GRID2: variants seen among roughly 807,000 people sequenced by gnomAD.
GRID2 encodes glutamate receptor ionotropic, delta-2.
In GRID2, 33 loss-of-function variants were observed where a neutral mutation model predicts 114.8. The ratio of observed to expected loss-of-function variants is 0.29; its 90% CI spans 0.22 to 0.38. GRID2 has a LOEUF of 0.38. GRID2 is among the 10% of genes least tolerant of loss of function. GRID2 has a pLI of 1.00. For synonymous variants in GRID2, 505 were observed against 449.9 expected (o/e 1.12, Z -1.55); for missense variants, 1,184 against 1,257.7 (o/e 0.94, Z 0.89).
chr4:92,703,119 C>A (rs1292601802), intron 2 of GRID2, among the ~76,000 whole-genome samples: 1 of 152,074 alleles, frequency 6.6e-6, no homozygotes, highest in African/African-American at 2.4e-5. Context: ...CCTTGTAGAA[C>A]AATCAAGGTG....
intron 8 of GRID2, among the ~76,000 whole-genome samples, chr4:93,244,936 G>A (rs2149522247): frequency 6.6e-6 from 1 of 151,774 alleles, no homozygotes; most frequent in African/African-American, 2.4e-5. Flanking sequence ...AAACCCAGTT[G>A]TAATTTGAGC....
At chr4:92,794,049 T>C (rs372092464) in intron 2 of GRID2, among the ~76,000 whole-genome samples, 4 of 151,844 alleles carry the variant, frequency 2.6e-5, no homozygotes, top group Non-Finnish European at 1.5e-5. Flanking sequence ...GTTTGGAAAA[T>C]TGGGATTTAG....
At chr4:92,749,015 G>C (rs1389153545) in intron 2 of GRID2, among the ~76,000 whole-genome samples, 2 of 150,060 alleles carry the variant, frequency 1.3e-5, no homozygotes, top group Non-Finnish European at 3.0e-5. Context: ...TATTTTTGGA[G>C]GCGGAGTCTT....
At chr4:93,614,032 C>T (rs1256574296) in intron 13 of GRID2, among the ~76,000 whole-genome samples, 5 of 152,096 alleles carry the variant, frequency 3.3e-5, no homozygotes, top group Middle Eastern at 3.4e-3. Flanking sequence ...TTTTTTAAGC[C>T]GGTCTGAAAA....
intron 8 of GRID2, among the ~76,000 whole-genome samples, chr4:93,286,449 A>G (rs368459399): frequency 5.5e-4 from 83 of 152,272 alleles, no homozygotes; most frequent in African/African-American, 1.7e-3. Context: ...TCTAGTTTTA[A>G]GAACTGCATA....
chr4:93,458,621 T>TA (rs1321533945), intron 11 of GRID2, among the ~76,000 whole-genome samples: 1 of 152,154 alleles, frequency 6.6e-6, no homozygotes, highest in East Asian at 1.9e-4. Flanking sequence ...ACCCACCTCA[T>TA]GGGTTTTTAT....
chr4:92,848,412 T>G (rs1306308528), intron 2 of GRID2, among the ~76,000 whole-genome samples: 1 of 151,948 alleles, frequency 6.6e-6, no homozygotes, highest in African/African-American at 2.4e-5. Context: ...AATTCATTAT[T>G]GTTTCTACTC....
chr4:93,528,270 T>C (rs1282734581), intron 13 of GRID2, among the ~76,000 whole-genome samples: 2 of 152,022 alleles, frequency 1.3e-5, no homozygotes, highest in Non-Finnish European at 2.9e-5. Flanking sequence ...GAATAATGGC[T>C]CTCAATTATC....
intron 1 of GRID2, among the ~76,000 whole-genome samples, chr4:92,589,125 A>G (rs1287857673): frequency 6.6e-6 from 1 of 151,982 alleles, no homozygotes; most frequent in Non-Finnish European, 1.5e-5. Context: ...CAACCAACCA[A>G]CCAAACAAAA....
chr4:92,976,567 A>G (rs1753888813), intron 2 of GRID2, among the ~76,000 whole-genome samples: 1 of 152,130 alleles, frequency 6.6e-6, no homozygotes, highest in African/African-American at 2.4e-5. Context: ...AGTATATAAT[A>G]CATTTCTGGC....
At chr4:93,120,122 T>C (rs1279785815) in intron 4 of GRID2, among the ~76,000 whole-genome samples, 2 of 152,122 alleles carry the variant, frequency 1.3e-5, no homozygotes, top group African/African-American at 2.4e-5. Flanking sequence ...TGTGGAGAAA[T>C]AGGAACACTT....
At chr4:92,757,449 A>G (rs1443409351) in intron 2 of GRID2, among the ~76,000 whole-genome samples, 1 of 152,136 alleles carries the variant, frequency 6.6e-6, no homozygotes, top group Non-Finnish European at 1.5e-5. Flanking sequence ...TTTATTCACA[A>G]CATCTCAGAT....
chr4:93,303,035 A>G (rs1755035921), intron 8 of GRID2, among the ~76,000 whole-genome samples: 2 of 152,170 alleles, frequency 1.3e-5, no homozygotes, highest in Admixed American at 6.5e-5. Flanking sequence ...CACTTACATC[A>G]TGGAGGGAGG....
intron 1 of GRID2, among the ~76,000 whole-genome samples, chr4:92,516,174 C>T (rs913522158): frequency 5.9e-5 from 9 of 151,828 alleles, no homozygotes; most frequent in Non-Finnish European, 1.2e-4. Context: ...TCAACTAGCC[C>T]TAAAGGGAAA....
chr4:92,902,772 G>C (rs1221955336), intron 2 of GRID2, among the ~76,000 whole-genome samples: 1 of 151,892 alleles, frequency 6.6e-6, no homozygotes, highest in Non-Finnish European at 1.5e-5. Context: ...ATATGTTTTT[G>C]TCGACTTTGT....
chr4:93,022,046 T>A (rs1167897079), intron 2 of GRID2, among the ~76,000 whole-genome samples: 2 of 151,444 alleles, frequency 1.3e-5, no homozygotes, highest in Non-Finnish European at 3.0e-5. Context: ...ACAGAAAATA[T>A]ATTATTCAAT....
At chr4:93,801,866 G>T (rs1217169438) in intron 1 of GRID2, among the ~76,000 whole-genome samples, 1 of 152,182 alleles carries the variant, frequency 6.6e-6, no homozygotes, top group Non-Finnish European at 1.5e-5. Flanking sequence ...CACATCTCAG[G>T]TTAAATTACT....
intron 13 of GRID2, among the ~76,000 whole-genome samples, chr4:93,585,811 A>T (rs1262054614): frequency 1.3e-5 from 2 of 152,096 alleles, no homozygotes; most frequent in Non-Finnish European, 1.5e-5. Flanking sequence ...ATCTATGCAT[A>T]GTTTTTTCAT....
intron 4 of GRID2, among the ~76,000 whole-genome samples, chr4:93,113,098 T>C (rs1466428537): frequency 1.3e-5 from 2 of 152,182 alleles, no homozygotes; most frequent in Non-Finnish European, 2.9e-5. Flanking sequence ...CAGAGGAGTA[T>C]GTTTGAGAGT....
Sources: allele counts gnomAD v4.1 joint callset (sites outside exome capture counted in the v4.1 genomes callset), GRCh38; gene constraint gnomAD v4.1.1; transcripts MANE v1.5; gene names NCBI Gene and HGNC (gene_info 2026-07-23, HGNC 2026-07-21).